CCSER2: variants seen among roughly 807,000 people sequenced by gnomAD.
CCSER2 encodes the protein coiled-coil serine rich protein 2.
A neutral mutation model predicts 92.3 loss-of-function variants in CCSER2; 46 were observed. The ratio of observed to expected loss-of-function variants is 0.50; its 90% CI spans 0.39 to 0.64. CCSER2 has a LOEUF of 0.64. Ranked by LOEUF, CCSER2 falls within the 30% of genes least tolerant of loss-of-function variation. The pLI, the probability that CCSER2 is intolerant of heterozygous loss-of-function variation, is 0.00. For synonymous variants in CCSER2, 433 were observed against 431.4 expected (o/e 1.00, Z -0.04); for missense variants, 1,244 against 1,238.9 (o/e 1.00, Z -0.06).
chr10:84,354,672 C>T (rs768256748), intron 1 of CCSER2, among the ~76,000 whole-genome samples: 6 of 151,102 alleles, frequency 4.0e-5, no homozygotes, highest in African/African-American at 1.2e-4. Context: ...ATTTGACCAT[C>T]GTTCCTGTAC....
chr10:84,366,679 G>A (rs149573788), intron 1 of CCSER2, among the ~76,000 whole-genome samples: 96 of 152,296 alleles, frequency 6.3e-4, no homozygotes, highest in Middle Eastern at 3.4e-3. Context: ...GACAAATAAC[G>A]TATCTTGGCT....
At chr10:84,441,092 ATGTTCT>A (rs1198241341) in intron 6 of CCSER2, among the ~76,000 whole-genome samples, 2 of 152,148 alleles carry the variant, frequency 1.3e-5, no homozygotes, top group African/African-American at 4.8e-5. Context: ...GTAGTGTGAA[ATGTTCT>A]TGTTATTTCT....
intron 4 of CCSER2, among the ~76,000 whole-genome samples, chr10:84,419,309 C>T (rs374849120): frequency 1.3e-5 from 2 of 149,258 alleles, no homozygotes; most frequent in East Asian, 3.9e-4. Context: ...CACCAAAAAA[C>T]GGGAGAAAGG....
chr10:84,484,484 C>T (rs1847684028), intron 9 of CCSER2, among the ~76,000 whole-genome samples: 1 of 126,348 alleles, frequency 7.9e-6, no homozygotes, highest in South Asian at 2.5e-4. Context: ...TGCATGTGTG[C>T]ATGCACGTGT....
intron 6 of CCSER2, among the ~76,000 whole-genome samples, chr10:84,439,403 C>A (rs1207798889): frequency 2.6e-5 from 4 of 152,080 alleles, no homozygotes; most frequent in African/African-American, 9.7e-5. Context: ...GGTTTTAAAT[C>A]TGTATTTGTA....
chr10:84,472,383 A>G (rs569919003), intron 8 of CCSER2, among the ~76,000 whole-genome samples: 2 of 152,280 alleles, frequency 1.3e-5, no homozygotes, highest in South Asian at 4.1e-4. Flanking sequence ...AGCCTGGCCA[A>G]CATGGTGAAA....
intron 9 of CCSER2, among the ~76,000 whole-genome samples, chr10:84,485,883 T>TCCCTACCACCTCC (rs1319248441): frequency 1.3e-5 from 2 of 152,224 alleles, no homozygotes; most frequent in Non-Finnish European, 2.9e-5. Flanking sequence ...CCTAATGCTC[T>TCCCTACCACCTCC]CCCTACCACC....
intron 1 of CCSER2, among the ~76,000 whole-genome samples, chr10:84,360,527 G>C (rs745553963): frequency 9.9e-5 from 15 of 152,164 alleles, no homozygotes; most frequent in Admixed American, 6.5e-5. Flanking sequence ...AAAAAATGAA[G>C]TATAACTTAC....
intron 5 of CCSER2, among the ~76,000 whole-genome samples, chr10:84,428,985 G>GTATA (rs60243946): frequency 0.039 from 5,535 of 140,490 alleles, 295 homozygotes; most frequent in African/African-American, 0.13. Context: ...GTGTGTATGT[G>GTATA]TATATATATA....
chr10:84,372,722 A>G (rs139968464), intron 2 of CCSER2, among the ~76,000 whole-genome samples: 4 of 152,256 alleles, frequency 2.6e-5, no homozygotes, highest in African/African-American at 7.2e-5. Context: ...TACACAGCCT[A>G]TTCCTGCTTA....
At chr10:84,444,081 G>A (rs1844757116) in intron 6 of CCSER2, among the ~76,000 whole-genome samples, 1 of 152,002 alleles carries the variant, frequency 6.6e-6, no homozygotes, top group South Asian at 2.1e-4. Context: ...TATGGCACAT[G>A]TATACCAGTG....
chr10:84,495,991 TTTC>T (rs1378563473), intron 9 of CCSER2, among the ~76,000 whole-genome samples: 2 of 151,156 alleles, frequency 1.3e-5, no homozygotes, highest in Non-Finnish European at 3.0e-5. Flanking sequence ...ATTTCTGTTT[TTTC>T]TTTTCTGTAT....
Position 84,456,127 on chromosome 10 carries a change from G to T in CCSER2, c.2065-7806G>T, listed in dbSNP as rs1435086417. On this transcript the variant is annotated intron_variant, in intron 6 of 9. Coordinates refer to ENST00000372088, the MANE Select transcript of CCSER2 (RefSeq NM_001284240.2). ...GAGAGAACAGGAAACGCCATGCAGA[G>T]CCCTCAAATCAAACACAGACCCCCA... The T allele has an allele frequency of 8.8e-6, 3 of 339,910 alleles. No homozygotes were observed. The East Asian group carries it at 2.4e-4, about 27-fold the overall frequency. The allele number at this position is 339,910 out of a possible 1,614,324, so 21.1% of individuals were successfully genotyped here.
chr10:84,460,549 A>T (rs1846049299), intron 6 of CCSER2, among the ~76,000 whole-genome samples: 1 of 151,506 alleles, frequency 6.6e-6, no homozygotes, highest in South Asian at 2.1e-4. Context: ...TATAGAATTG[A>T]TGTTATTCTC....
intron 1 of CCSER2, among the ~76,000 whole-genome samples, chr10:84,356,245 A>G (rs1237381063): frequency 1.3e-5 from 2 of 152,160 alleles, no homozygotes; most frequent in East Asian, 3.8e-4. Context: ...TAATTAATTC[A>G]TAGAGGCAAA....
chr10:84,360,664 C>A (rs1159443836), intron 1 of CCSER2, among the ~76,000 whole-genome samples: 1 of 152,152 alleles, frequency 6.6e-6, no homozygotes, highest in Non-Finnish European at 1.5e-5. Flanking sequence ...AGTCTCTGTC[C>A]CAGGGATTTC....
At chr10:84,413,163 A>T (rs1842738429) in intron 3 of CCSER2, among the ~76,000 whole-genome samples, 1 of 129,960 alleles carries the variant, frequency 7.7e-6, no homozygotes. Context: ...TTCAGCTCTG[A>T]TCTTGGTTAT....
intron 7 of CCSER2, among the ~76,000 whole-genome samples, chr10:84,466,096 A>G (rs902318224): frequency 2.0e-5 from 3 of 152,196 alleles, no homozygotes; most frequent in Admixed American, 6.5e-5. Context: ...ATTTCCTTCC[A>G]GGCAGATTAT....
At chr10:84,365,297 A>G (rs1464370232) in intron 1 of CCSER2, among the ~76,000 whole-genome samples, 1 of 152,228 alleles carries the variant, frequency 6.6e-6, no homozygotes, top group Non-Finnish European at 1.5e-5. Context: ...ATTACAGTTT[A>G]GGTAAAGTGC....
Sources: allele counts gnomAD v4.1 joint callset (sites outside exome capture counted in the v4.1 genomes callset), GRCh38; gene constraint gnomAD v4.1.1; transcripts MANE v1.5; gene names NCBI Gene and HGNC (gene_info 2026-07-23, HGNC 2026-07-21).